ASTN1: variants seen among roughly 807,000 people sequenced by gnomAD.
ASTN1 encodes the protein astrotactin 1.
In ASTN1, 41 loss-of-function variants were observed where a neutral mutation model predicts 140.7. That is an observed-to-expected ratio of 0.29 (90% confidence interval 0.23 to 0.38). ASTN1 has a LOEUF of 0.38. ASTN1 is among the 10% of genes least tolerant of loss of function. The probability of loss-of-function intolerance (pLI) is 1.00; values close to 1 mark genes in which losing one functional copy is unlikely to be tolerated. For synonymous variants in ASTN1, 640 were observed against 652.2 expected (o/e 0.98, Z 0.29); for missense variants, 1,479 against 1,678.8 (o/e 0.88, Z 2.08).
intron 1 of ASTN1, among the ~76,000 whole-genome samples, chr1:177,082,600 G>C (rs528603946): frequency 6.6e-6 from 1 of 152,154 alleles, no homozygotes; most frequent in Admixed American, 6.5e-5. Context: ...AGGTCTCAGC[G>C]CCAGGATGTG....
rs946893197 is a variant in ASTN1, at chr1:177,157,766, T to C, written c.283+6628A>G. 4.6e-5 allele frequency among the ~76,000 whole-genome samples: 7 copies of C among 152,336 alleles called. No homozygotes were observed. The East Asian group carries it at 1.3e-3, about 29-fold the overall frequency. On this transcript the variant is annotated intron_variant, in intron 1 of 22. Coordinates refer to ENST00000361833, the MANE Select transcript of ASTN1 (RefSeq NM_004319.3). Reference sequence around the variant, plus strand: ...AAGAGGTAACACTCGTATTTTATTTTGTTTTTGTTTTCTTGCTTTTCATAA... The same window carrying C: ...AAGAGGTAACACTCGTATTTTATTTCGTTTTTGTTTTCTTGCTTTTCATAA...
chr1:177,160,336 C>A (rs568267083), intron 1 of ASTN1, among the ~76,000 whole-genome samples: 1 of 152,184 alleles, frequency 6.6e-6, no homozygotes, highest in Non-Finnish European at 1.5e-5. Context: ...TTCTTTTAAC[C>A]GCCACACTTG....
chr1:176,866,586 C>T (rs1668133013), intron 22 of ASTN1, among the ~76,000 whole-genome samples: 1 of 152,178 alleles, frequency 6.6e-6, no homozygotes, highest in Admixed American at 6.5e-5. Flanking sequence ...GAACTTACAT[C>T]ATCCTTCCAA....
intron 16 of ASTN1, among the ~76,000 whole-genome samples, chr1:176,906,554 G>A (rs893269563): frequency 4.6e-5 from 7 of 152,158 alleles, no homozygotes; most frequent in African/African-American, 1.7e-4. Context: ...ACAGGAGGAA[G>A]TATTAAAATC....
chr1:177,134,144 T>G (rs1373333549), intron 1 of ASTN1, among the ~76,000 whole-genome samples: 2 of 152,212 alleles, frequency 1.3e-5, no homozygotes, highest in Admixed American at 6.5e-5. Flanking sequence ...CTAGCCCCCA[T>G]GCTTCCAAGG....
intron 8 of ASTN1, among the ~76,000 whole-genome samples, chr1:176,967,799 G>T (rs1437858583): frequency 6.6e-6 from 1 of 152,138 alleles, no homozygotes; most frequent in Non-Finnish European, 1.5e-5. Context: ...TGCTCTTGAG[G>T]GGCCTGAAAA....
chr1:176,878,452 C>T (rs1388207232), intron 20 of ASTN1, among the ~76,000 whole-genome samples: 1 of 152,014 alleles, frequency 6.6e-6, no homozygotes, highest in African/African-American at 2.4e-5. Flanking sequence ...GGAGCCCCTA[C>T]AGCTTCTCGG....
intron 16 of ASTN1, among the ~76,000 whole-genome samples, chr1:176,897,804 TACCCC>T (rs1669585606): frequency 6.6e-6 from 1 of 152,166 alleles, no homozygotes; most frequent in Non-Finnish European, 1.5e-5. Flanking sequence ...AAATAACCCC[TACCCC>T]CAATATCCTT....
intron 22 of ASTN1, among the ~76,000 whole-genome samples, chr1:176,865,415 T>C (rs1247659343): frequency 2.0e-5 from 3 of 152,218 alleles, no homozygotes; most frequent in Admixed American, 2.0e-4. Context: ...TCTGGTGTCA[T>C]AGATAAAGAA....
intron 1 of ASTN1, among the ~76,000 whole-genome samples, chr1:177,140,026 A>C (rs1169303565): frequency 6.6e-6 from 1 of 152,166 alleles, no homozygotes; most frequent in African/African-American, 2.4e-5. Context: ...CATCCCCCAA[A>C]CACCACCATT....
chr1:176,861,900 G>C lies in ASTN1; in HGVS notation c.*2384C>G. ...GCCTAAAATAAAAACAGAAGGAGAG[G>C]GTACAGAGGAGTGACTCTGATACCT... is the stretch of plus-strand genomic sequence containing the variant. On this transcript the variant is annotated 3_prime_UTR_variant, in exon 23 of 23. Transcript: ENST00000361833. 1 of 984,990 alleles carries C rather than the reference G, an allele frequency of 1.0e-6. No homozygotes were observed. Among genetic ancestry groups the C allele is most frequent in the Non-Finnish European group, 1.2e-6 (1 of 829,880 alleles). The allele number at this position is 984,990 out of a possible 1,614,324, so 61.0% of individuals were successfully genotyped here. A position where few individuals can be genotyped will look rare whatever the true frequency, so the allele number is the denominator to read the frequency against.
intron 8 of ASTN1, among the ~76,000 whole-genome samples, chr1:176,989,140 T>A (rs1674044404): frequency 6.6e-6 from 1 of 152,200 alleles, no homozygotes; most frequent in Non-Finnish European, 1.5e-5. Context: ...TAAAATTGGA[T>A]TCGGGGAAGT....
chr1:177,078,697 C>T (rs1029788107), intron 1 of ASTN1, among the ~76,000 whole-genome samples: 1 of 152,038 alleles, frequency 6.6e-6, no homozygotes, highest in Non-Finnish European at 1.5e-5. Flanking sequence ...CATGATAGCA[C>T]CAACAACGTC....
At chr1:177,092,624 T>C (rs1324071813) in intron 1 of ASTN1, among the ~76,000 whole-genome samples, 1 of 152,216 alleles carries the variant, frequency 6.6e-6, no homozygotes, top group African/African-American at 2.4e-5. Context: ...AATAGTTTCA[T>C]ATTTTTGGCA....
chr1:176,883,538 A>G (rs1335085366), intron 19 of ASTN1, among the ~76,000 whole-genome samples: 2 of 152,180 alleles, frequency 1.3e-5, no homozygotes, highest in African/African-American at 4.8e-5. Context: ...CAGAGATAGC[A>G]TTCTGGTCAG....
chr1:177,135,664 T>C (rs1682160842), intron 1 of ASTN1, among the ~76,000 whole-genome samples: 1 of 152,142 alleles, frequency 6.6e-6, no homozygotes, highest in Non-Finnish European at 1.5e-5. Context: ...GGATGTCTGT[T>C]CACCATGCTC....
intron 8 of ASTN1, among the ~76,000 whole-genome samples, chr1:176,982,400 A>G (rs984525584): frequency 6.6e-6 from 1 of 152,210 alleles, no homozygotes; most frequent in Non-Finnish European, 1.5e-5. Context: ...TAGAGCAGCC[A>G]TTCGCAAACC....
intron 17 of ASTN1, among the ~76,000 whole-genome samples, chr1:176,892,844 A>G (rs1431930982): frequency 1.3e-5 from 2 of 152,218 alleles, no homozygotes; most frequent in Admixed American, 6.5e-5. Context: ...AGAAAGAAAA[A>G]CAGAACAGCG....
At chr1:176,943,695 A>C (rs1247397779) in intron 14 of ASTN1, among the ~76,000 whole-genome samples, 196 bp downstream of exon 14, 9 of 152,202 alleles carry the variant, frequency 5.9e-5, no homozygotes, top group Non-Finnish European at 2.9e-5. Context: ...ACTTTGAAGG[A>C]GATTATATGA....
Sources: allele counts gnomAD v4.1 joint callset (sites outside exome capture counted in the v4.1 genomes callset), GRCh38; gene constraint gnomAD v4.1.1; transcripts MANE v1.5; gene names NCBI Gene and HGNC (gene_info 2026-07-23, HGNC 2026-07-21).